The following EDA variants were observed in gnomAD, a reference collection of about 807,000 sequenced individuals.
EDA encodes ectodysplasin-A.
Under a neutral mutation model 23.6 loss-of-function variants are expected in EDA, and 2 were observed. The ratio of observed to expected loss-of-function variants is 0.08; its 90% CI spans 0.03 to 0.27. EDA has a LOEUF of 0.27. Among genes scored for constraint, EDA ranks in the 10% least tolerant of loss-of-function variants. The pLI, the probability that EDA is intolerant of heterozygous loss-of-function variation, is 1.00. For missense variants in EDA, 229 were observed against 324.2 expected (o/e 0.71, Z 2.26); for synonymous variants, 131 against 132.0 (o/e 0.99, Z 0.05).
At chrX:69,844,511 T>C (rs1372560638) in intron 1 of EDA, among the ~76,000 whole-genome samples, 3 of 112,604 alleles carry the variant, frequency 2.7e-5, no homozygotes, top group African/African-American at 9.7e-5. Context: ...AGATGATGTG[T>C]GTCTATCCCT....
At chrX:69,720,983 A>C (rs2012557170) in intron 1 of EDA, among the ~76,000 whole-genome samples, 1 of 111,767 alleles carries the variant, frequency 8.9e-6, no homozygotes, top group South Asian at 3.7e-4. Context: ...ATCTCATTTA[A>C]ATCTTTTATT....
chrX:69,674,801 C>A (rs181588112), intron 1 of EDA, among the ~76,000 whole-genome samples: 1 of 111,220 alleles, frequency 9.0e-6, no homozygotes. Flanking sequence ...GCTTTAAGAA[C>A]CTTCTTGACT....
At chrX:69,714,268 G>A (rs1039198493) in intron 1 of EDA, among the ~76,000 whole-genome samples, 6 of 110,912 alleles carry the variant, frequency 5.4e-5, no homozygotes, top group African/African-American at 2.0e-4. Context: ...TTACTCTTGA[G>A]TTTTGAGAGT....
intron 1 of EDA, among the ~76,000 whole-genome samples, chrX:69,907,782 T>C (rs2018200752): frequency 9.0e-6 from 1 of 111,248 alleles, no homozygotes; most frequent in Admixed American, 9.6e-5. Flanking sequence ...TGGAACATGG[T>C]TAAGAAGGAA....
chrX:69,978,101 G>T (rs1425665335), intron 2 of EDA, among the ~76,000 whole-genome samples: 1 of 109,666 alleles, frequency 9.1e-6, no homozygotes, highest in Non-Finnish European at 1.9e-5. Flanking sequence ...CATCAAAAAT[G>T]CCAGCTTTTA....
At chrX:69,754,294 G>C (rs2014016850) in intron 1 of EDA, among the ~76,000 whole-genome samples, 1 of 111,537 alleles carries the variant, frequency 9.0e-6, no homozygotes, top group Non-Finnish European at 1.9e-5. Context: ...TTGTTTGTCT[G>C]TAAAGGATTT....
At chrX:69,744,956 C>T (rs2013571912) in intron 1 of EDA, among the ~76,000 whole-genome samples, 1 of 111,746 alleles carries the variant, frequency 8.9e-6, no homozygotes, top group South Asian at 3.8e-4. Flanking sequence ...CCTGAAGTCA[C>T]GTCCAGGTAG....
chrX:69,953,127 C>A (rs1329326427), intron 1 of EDA, among the ~76,000 whole-genome samples: 7 of 111,561 alleles, frequency 6.3e-5, no homozygotes, highest in Non-Finnish European at 1.1e-4. Flanking sequence ...TTGGAAAAGC[C>A]GTTCAAAACC....
At chrX:69,916,137 G>A (rs1432108691) in intron 1 of EDA, among the ~76,000 whole-genome samples, 4 of 111,409 alleles carry the variant, frequency 3.6e-5, no homozygotes, top group Non-Finnish European at 3.8e-5. Flanking sequence ...TGGGAATAAT[G>A]ACTACTTCAG....
chrX:69,858,812 A>G (rs1376543391), intron 1 of EDA, among the ~76,000 whole-genome samples: 1 of 111,204 alleles, frequency 9.0e-6, no homozygotes, highest in African/African-American at 3.3e-5. Flanking sequence ...CATGAAACCA[A>G]CTCTTCTTTG....
At chrX:69,909,258 C>T (rs1271889612) in intron 1 of EDA, among the ~76,000 whole-genome samples, 1 of 111,775 alleles carries the variant, frequency 8.9e-6, no homozygotes, top group East Asian at 2.8e-4. Context: ...TTTATACCTT[C>T]TACAATTATT....
intron 1 of EDA, among the ~76,000 whole-genome samples, chrX:69,829,828 G>A (rs1399572804): frequency 1.8e-5 from 2 of 111,691 alleles, no homozygotes; most frequent in East Asian, 5.6e-4. Context: ...TGATTTTTTA[G>A]AAATAATTTC....
At chrX:69,898,500 T>G (rs2018052475) in intron 1 of EDA, among the ~76,000 whole-genome samples, 1 of 110,707 alleles carries the variant, frequency 9.0e-6, no homozygotes. Context: ...GAGAATCGCT[T>G]GAAACCCGGG....
chrX:69,882,241 G>T (rs1199524968), intron 1 of EDA, among the ~76,000 whole-genome samples: 1 of 111,713 alleles, frequency 9.0e-6, no homozygotes, highest in Non-Finnish European at 1.9e-5. Context: ...AGCAGGCTAG[G>T]ATTCCATGGA....
chrX:69,692,255 T>C (rs1934733126), intron 1 of EDA, among the ~76,000 whole-genome samples: 1 of 111,505 alleles, frequency 9.0e-6, no homozygotes, highest in Non-Finnish European at 1.9e-5. Flanking sequence ...ATAATTGAAT[T>C]GACAAATAGG....
chrX:69,936,846 A>G (rs1415337937), intron 1 of EDA, among the ~76,000 whole-genome samples: 1 of 112,251 alleles, frequency 8.9e-6, no homozygotes, highest in East Asian at 2.8e-4. Flanking sequence ...TTATCAAAAT[A>G]TTCAATGATG....
At chrX:69,733,166 G>T (rs2013106699) in intron 1 of EDA, among the ~76,000 whole-genome samples, 1 of 110,565 alleles carries the variant, frequency 9.0e-6, no homozygotes, top group South Asian at 3.9e-4. Context: ...TAGACATGAA[G>T]TCCTTGCCCA....
At chrX:69,709,791 G>A (rs1364864743) in intron 1 of EDA, among the ~76,000 whole-genome samples, 1 of 112,029 alleles carries the variant, frequency 8.9e-6, no homozygotes, top group Non-Finnish European at 1.9e-5. Context: ...CATCACTCCT[G>A]TCTATGTCCC....
chrX:69,983,754 A>G (rs1230211447), intron 2 of EDA, among the ~76,000 whole-genome samples: 1 of 86,600 alleles, frequency 1.2e-5, no homozygotes, highest in East Asian at 3.8e-4. Flanking sequence ...GCTCTTCTCG[A>G]GGAGTATCTT....
Sources: gnomAD v4.1 joint callset for allele counts (sites outside exome capture counted in the v4.1 genomes callset) on GRCh38, gnomAD v4.1.1 for gene constraint, MANE v1.5 for transcripts, NCBI Gene and HGNC (gene_info 2026-07-23, HGNC 2026-07-21) for gene names.